MYO10: variants seen among roughly 807,000 people sequenced by gnomAD.
The protein encoded by MYO10 is myosin X, also known as unconventional myosin-X.
A neutral mutation model predicts 257.3 loss-of-function variants in MYO10; 133 were observed. That is an observed-to-expected ratio of 0.52 (90% confidence interval 0.45 to 0.60). The LOEUF (loss-of-function observed/expected upper bound fraction) is 0.60. MYO10 is among the 20% of genes least tolerant of loss of function. MYO10 has a pLI of 0.00. For missense variants in MYO10, 2,399 were observed against 2,635.7 expected (o/e 0.91, Z 1.97); for synonymous variants, 1,104 against 1,028.6 (o/e 1.07, Z -1.40).
At chr5:16,914,508 A>G (rs1039528644) in intron 1 of MYO10, among the ~76,000 whole-genome samples, 1 of 152,190 alleles carries the variant, frequency 6.6e-6, no homozygotes. Flanking sequence ...CACCTATGCC[A>G]CTGTTAATTC....
In MYO10 at chr5:16,794,654, G is replaced by A. The variant is rs1741875844; in HGVS notation, c.459C>T (p.Ile153=). 1 of 1,610,120 alleles carries A rather than the reference G, an allele frequency of 6.2e-7. No homozygotes were observed. Among genetic ancestry groups the A allele is most frequent in the African/African-American group, 1.3e-5 (1 of 74,962 alleles). Residue 153 remains isoleucine, a synonymous_variant, in exon 4 of 41, where the codon ATC becomes ATT. Coordinates refer to ENST00000513610, the MANE Select transcript of MYO10 (RefSeq NM_012334.3). ...GCTGTGAGCCCCGTTACCTGATGAG[G>A]ATGCACTGGTTGTCGTGGCGCTTCC... ...CLWKRHDNQC[I]LISGESGAGK...
At chr5:16,713,184 G>T (rs1182875577) in intron 19 of MYO10, 1 of 442,910 alleles carries the variant, frequency 2.3e-6, no homozygotes, top group Admixed American at 6.4e-5. Context: ...CTATCTCTCA[G>T]GCTTTCCCTG....
At chr5:16,841,012 G>T (rs918611296) in intron 2 of MYO10, among the ~76,000 whole-genome samples, 3 of 151,946 alleles carry the variant, frequency 2.0e-5, no homozygotes, top group African/African-American at 7.3e-5. Flanking sequence ...GGGCGTGGTG[G>T]CAGGTGCCTG....
chr5:16,733,346 T>C (rs550536852), intron 19 of MYO10, among the ~76,000 whole-genome samples: 2 of 152,270 alleles, frequency 1.3e-5, no homozygotes, highest in East Asian at 3.9e-4. Flanking sequence ...AAGTCAGCCC[T>C]TTTCATTTCA....
chr5:16,783,033 T>A (rs1741468427), intron 5 of MYO10, among the ~76,000 whole-genome samples: 1 of 152,192 alleles, frequency 6.6e-6, no homozygotes, highest in Non-Finnish European at 1.5e-5. Context: ...AAGTGCCTTA[T>A]CTGATGCAGG....
At chr5:16,755,041 C>A (rs79404107) in intron 18 of MYO10, 133 bp from the exon 19 acceptor site, 1 of 456,748 alleles carries the variant, frequency 2.2e-6, no homozygotes, top group Non-Finnish European at 3.7e-6. Context: ...TAGAGGTTTT[C>A]ATTTTTTAAT....
In MYO10 at chr5:16,663,328, GTTTTTTT is replaced by G. The variant is rs70940395; in HGVS notation, c.*3357_*3363del. On this transcript the variant is annotated 3_prime_UTR_variant, in exon 41 of 41. Coordinates refer to ENST00000513610, the MANE Select transcript of MYO10 (RefSeq NM_012334.3). ...AAAAAGTAACATTTTACTTCTAGTT[GTTTTTTT>G]TTTTTTTTTTTTTTTTTTTTTTTTT... 66 of 76,868 alleles carry G rather than the reference GTTTTTTT, an allele frequency of 8.6e-4. No homozygotes were observed. Among genetic ancestry groups the G allele is most frequent in the Middle Eastern group, 8.5e-3 (1 of 118 alleles). The allele number at this position is 76,868 out of a possible 1,614,324, so 4.8% of individuals were successfully genotyped here. A position where few individuals can be genotyped will look rare whatever the true frequency, so the allele number is the denominator to read the frequency against.
chr5:16,721,752 G>A (rs868337713), intron 19 of MYO10, among the ~76,000 whole-genome samples: 4 of 152,098 alleles, frequency 2.6e-5, no homozygotes, highest in African/African-American at 9.7e-5. Context: ...AGCTGCAGGC[G>A]CTTACCTCGG....
At chr5:16,933,348 C>A (rs567870823) in intron 1 of MYO10, among the ~76,000 whole-genome samples, 2 of 152,178 alleles carry the variant, frequency 1.3e-5, no homozygotes, top group African/African-American at 2.4e-5. Context: ...GTTTGAGAAA[C>A]CCTGGTCTAG....
chr5:16,685,793 G>A lies in MYO10; in HGVS notation c.3935C>T (p.Thr1312Met), dbSNP rs745864838. ...FSVLSQVHAS[T>M]DQEIQEMHDE... ...ATGCATCTCCTGGATCTCCTGGTCCGTGGACGCGTGGACCTGACTCAGCAC... is the reference window on the plus strand; with the variant it reads ...ATGCATCTCCTGGATCTCCTGGTCCATGGACGCGTGGACCTGACTCAGCAC... Residue 1312 changes from threonine to methionine, a missense_variant, in exon 29 of 41, where the codon ACG (threonine) becomes ATG (methionine). Transcript: ENST00000513610. 32 of 1,587,452 alleles carry A rather than the reference G, an allele frequency of 2.0e-5. No homozygotes were observed. Among genetic ancestry groups the A allele is most frequent in the Middle Eastern group, 1.7e-4 (1 of 5,980 alleles).
At chr5:16,888,525 G>A (rs1744955534) in intron 1 of MYO10, among the ~76,000 whole-genome samples, 1 of 151,840 alleles carries the variant, frequency 6.6e-6, no homozygotes, top group African/African-American at 2.4e-5. Context: ...AACCCAGGAG[G>A]GAGAGGTTGT....
rs1249618507 is a variant in MYO10, at chr5:16,735,607, T to C, written c.1929+19221A>G. On this transcript the variant is annotated intron_variant, in intron 19 of 40. Transcript: ENST00000513610. ...TGTGGTCCCAGCTACATGGGAGGAC[T>C]GTTTGAGCCCAGGAGGTCAAGGCTG... is the stretch of plus-strand genomic sequence containing the variant. 2.0e-5 allele frequency among the ~76,000 whole-genome samples: 3 copies of C among 150,456 alleles called. No individual in the cohort carries two copies. The East Asian group carries it at 5.9e-4, about 30-fold the overall frequency.
At chr5:16,738,500 C>T (rs1359542493) in intron 19 of MYO10, 3 of 689,714 alleles carry the variant, frequency 4.3e-6, no homozygotes, top group Admixed American at 6.3e-5. Flanking sequence ...AGTTCCTATT[C>T]GCCCTCACTT....
At chr5:16,894,397 G>A (rs1580124486) in intron 1 of MYO10, among the ~76,000 whole-genome samples, 2 of 152,092 alleles carry the variant, frequency 1.3e-5, no homozygotes, top group East Asian at 1.9e-4. Context: ...TCTATCCAGG[G>A]GGCCAAACCG....
In MYO10 at chr5:16,676,089, G is replaced by T; in HGVS notation, c.4608C>A (p.Thr1536=). Residue 1536 remains threonine (T), a synonymous_variant, in exon 34 of 41, where the codon ACC becomes ACA. Transcript: ENST00000513610. ...IYKRNPILRY[T]HHPLHSPLLP... Reference sequence around the variant, plus strand: ...GGAGCGGGGAGTGCAAGGGGTGATGGGTGTATCGAAGGATCGGGTTCCGCT... The same window carrying T: ...GGAGCGGGGAGTGCAAGGGGTGATGTGTGTATCGAAGGATCGGGTTCCGCT... 1.9e-6 allele frequency: 3 copies of T among 1,613,394 alleles called. No individual in the cohort carries two copies. Among genetic ancestry groups the T allele is most frequent in the Non-Finnish European group, 2.5e-6 (3 of 1,179,642 alleles).
chr5:16,799,222 G>A (rs1742050523), intron 3 of MYO10, among the ~76,000 whole-genome samples: 2 of 152,162 alleles, frequency 1.3e-5, no homozygotes, highest in Admixed American at 6.5e-5. Context: ...GATACTGCTC[G>A]TTCTGACAGT....
chr5:16,833,202 T>C (rs1045408382), intron 2 of MYO10, among the ~76,000 whole-genome samples: 4 of 149,040 alleles, frequency 2.7e-5, no homozygotes, highest in Non-Finnish European at 5.9e-5. Context: ...TTTTAAAATA[T>C]ATTTTACTAG....
chr5:16,716,553 G>T (rs1738882276), intron 19 of MYO10, among the ~76,000 whole-genome samples: 1 of 98,544 alleles, frequency 1.0e-5, no homozygotes, highest in African/African-American at 4.0e-5. Context: ...TATGGTAAGG[G>T]GACATTCAAT....
At chr5:16,927,621 G>A (rs1482019220) in intron 1 of MYO10, among the ~76,000 whole-genome samples, 7 of 152,156 alleles carry the variant, frequency 4.6e-5, no homozygotes, top group Non-Finnish European at 1.0e-4. Flanking sequence ...ACCGCGCCCG[G>A]CCTTTAACTG....
Sources: allele counts gnomAD v4.1 joint callset (sites outside exome capture counted in the v4.1 genomes callset), GRCh38; gene constraint gnomAD v4.1.1; transcripts MANE v1.5; gene names NCBI Gene and HGNC (gene_info 2026-07-23, HGNC 2026-07-21).